Variants in JMJD1C observed in about 807,000 individuals in gnomAD.
JMJD1C encodes jumonji domain-containing protein 1C.
JMJD1C carries 31 observed loss-of-function variants against 245.3 expected under a neutral mutation model. The observed-to-expected ratio is 0.13, with a 90% CI of 0.09 to 0.17. The LOEUF is 0.17. Ranked by LOEUF, JMJD1C falls within the 10% of genes least tolerant of loss-of-function variation. The probability of loss-of-function intolerance (pLI) is 1.00; values close to 1 mark genes in which losing one functional copy is unlikely to be tolerated. For synonymous variants in JMJD1C, 1,057 were observed against 1,017.4 expected (o/e 1.04, Z -0.74); for missense variants, 2,691 against 3,000.2 (o/e 0.90, Z 2.41).
intron 1 of JMJD1C, among the ~76,000 whole-genome samples, chr10:63,520,973 C>G (rs943378839): frequency 6.6e-6 from 1 of 152,234 alleles, no homozygotes; most frequent in Admixed American, 6.5e-5. Context: ...AGGCACACCT[C>G]AAAGTCTTGG....
At chr10:63,332,866 T>C (rs1224014089) in intron 2 of JMJD1C, among the ~76,000 whole-genome samples, 2 of 152,220 alleles carry the variant, frequency 1.3e-5, no homozygotes, top group Non-Finnish European at 2.9e-5. Context: ...CTAGGAATAC[T>C]GATCTATCAC....
chr10:63,364,966 C>G (rs1032265100), intron 2 of JMJD1C, among the ~76,000 whole-genome samples: 1 of 152,174 alleles, frequency 6.6e-6, no homozygotes, highest in Non-Finnish European at 1.5e-5. Flanking sequence ...CCATTCCCTA[C>G]AGGAGGAATA....
At chr10:63,438,137 C>T (rs753257288) in intron 1 of JMJD1C, among the ~76,000 whole-genome samples, 11 of 152,248 alleles carry the variant, frequency 7.2e-5, no homozygotes, top group Admixed American at 1.3e-4. Flanking sequence ...AAATTTAACA[C>T]ATCTAAAAGA....
chr10:63,349,384 T>A (rs976090887), intron 2 of JMJD1C, among the ~76,000 whole-genome samples: 4 of 152,240 alleles, frequency 2.6e-5, no homozygotes, highest in Admixed American at 1.3e-4. Context: ...AAGTTATCGA[T>A]ACCAGTTTTG....
At chr10:63,334,731 GAC>G (rs1942517286) in intron 2 of JMJD1C, among the ~76,000 whole-genome samples, 1 of 147,010 alleles carries the variant, frequency 6.8e-6, no homozygotes, top group African/African-American at 2.5e-5. Flanking sequence ...TTGAGACACA[GAC>G]TCAAACTCGC....
rs567155520 is a variant in JMJD1C at position 63,278,754 on chromosome 10, G to A, written c.334-13990C>T. On this transcript the variant is annotated intron_variant, in intron 2 of 25. Transcript: ENST00000399262. Reference sequence around the variant, plus strand: ...CTTGGGAAGCTGAGGCAGGAGAATCGCTGGAACCCAGGAGGCAGAGGTTGC... The same window carrying A: ...CTTGGGAAGCTGAGGCAGGAGAATCACTGGAACCCAGGAGGCAGAGGTTGC... 6.0e-5 allele frequency among the ~76,000 whole-genome samples: 9 copies of A among 150,650 alleles called. No individual in the cohort carries two copies. The East Asian group carries it at 1.8e-3, about 30-fold the overall frequency.
At chr10:63,406,882 A>C (rs766477295) in intron 1 of JMJD1C, among the ~76,000 whole-genome samples, 2 of 152,208 alleles carry the variant, frequency 1.3e-5, no homozygotes, top group Non-Finnish European at 2.9e-5. Flanking sequence ...TGTAGGACTC[A>C]AAGAATAATA....
intron 1 of JMJD1C, among the ~76,000 whole-genome samples, chr10:63,518,345 TAAC>T (rs1955090442): frequency 6.6e-6 from 1 of 152,130 alleles, no homozygotes; most frequent in Non-Finnish European, 1.5e-5. Context: ...TGAAACAAAA[TAAC>T]AATATTCCTA....
intron 11 of JMJD1C, 53 bp downstream of exon 11, chr10:63,200,423 T>C: frequency 7.4e-7 from 1 of 1,352,566 alleles, no homozygotes; most frequent in Non-Finnish European, 1.0e-6. Flanking sequence ...CTATATAATT[T>C]CCAATATCAA....
intron 16 of JMJD1C, among the ~76,000 whole-genome samples, chr10:63,192,605 C>T (rs1295369308): frequency 1.3e-5 from 2 of 152,118 alleles, no homozygotes; most frequent in Non-Finnish European, 2.9e-5. Flanking sequence ...CATGGTGGTA[C>T]ATGTCTGTAG....
chr10:63,494,879 T>C (rs1354188669), intron 1 of JMJD1C, among the ~76,000 whole-genome samples: 1 of 152,184 alleles, frequency 6.6e-6, no homozygotes, highest in East Asian at 1.9e-4. Flanking sequence ...TAGGCTCCTC[T>C]CAAAAGTACC....
In JMJD1C at chr10:63,310,630, C is replaced by A. The variant is rs541380453; in HGVS notation, c.334-45866G>T. ...GAAATTAACTTGATAAATTGACTAT[C>A]CTAAAATTTAAAACTTTTATTCACT... On this transcript the variant is annotated intron_variant, in intron 2 of 25. Transcript: ENST00000399262. Among the ~76,000 whole-genome samples, 4 of 152,198 alleles carry A rather than the reference C, an allele frequency of 2.6e-5. No individual in the cohort carries two copies. In the East Asian group the frequency reaches 5.8e-4, roughly 22 times the overall value.
At chr10:63,444,034 T>C (rs1195849897) in intron 1 of JMJD1C, among the ~76,000 whole-genome samples, 1 of 152,366 alleles carries the variant, frequency 6.6e-6, no homozygotes, top group East Asian at 1.9e-4. Flanking sequence ...ACTTCTTAAA[T>C]GCTATGTTAG....
chr10:63,186,405 AAC>A (rs1564568866), intron 18 of JMJD1C, 22 bp from the exon 19 acceptor site: 3 of 1,550,596 alleles, frequency 1.9e-6, no homozygotes, highest in Non-Finnish European at 2.6e-6. Flanking sequence ...ATAAATAAAT[AAC>A]AGTTAAAAGA....
At chr10:63,507,857 A>C (rs971118483) in intron 1 of JMJD1C, among the ~76,000 whole-genome samples, 19 of 152,294 alleles carry the variant, frequency 1.2e-4, no homozygotes, top group African/African-American at 4.1e-4. Context: ...TTTACCTGCC[A>C]TCTACAAATC....
At chr10:63,494,001 G>A (rs1954265586) in intron 1 of JMJD1C, among the ~76,000 whole-genome samples, 1 of 152,180 alleles carries the variant, frequency 6.6e-6, no homozygotes, top group Non-Finnish European at 1.5e-5. Context: ...TATGTAGCCT[G>A]ACTCAGAATA....
At chr10:63,460,457 G>A (rs767970266) in intron 1 of JMJD1C, among the ~76,000 whole-genome samples, 6 of 152,038 alleles carry the variant, frequency 3.9e-5, no homozygotes, top group Admixed American at 6.6e-5. Flanking sequence ...AGTTCCAGGC[G>A]GCAGTGAGCA....
At chr10:63,336,172 TA>T (rs1029831296) in intron 2 of JMJD1C, among the ~76,000 whole-genome samples, 1 of 151,322 alleles carries the variant, frequency 6.6e-6, no homozygotes, top group African/African-American at 2.4e-5. Context: ...CACAAATATC[TA>T]ATACCACCCT....
chr10:63,266,605 C>T (rs1364073686), intron 2 of JMJD1C, among the ~76,000 whole-genome samples: 3 of 152,028 alleles, frequency 2.0e-5, no homozygotes, highest in Non-Finnish European at 4.4e-5. Context: ...AACTAGAAAA[C>T]ACTGGCATCT....
Sources: gnomAD v4.1 joint callset for allele counts (sites outside exome capture counted in the v4.1 genomes callset) on GRCh38, gnomAD v4.1.1 for gene constraint, MANE v1.5 for transcripts, NCBI Gene and HGNC (gene_info 2026-07-23, HGNC 2026-07-21) for gene names.